Variants in IQCJ observed in about 807,000 individuals in gnomAD.
IQCJ encodes the protein IQ domain-containing protein J.
A neutral mutation model predicts 11.0 loss-of-function variants in IQCJ; 9 were observed. That is an observed-to-expected ratio of 0.82 (90% CI 0.49 to 1.43). The LOEUF (loss-of-function observed/expected upper bound fraction) is 1.43. IQCJ is among the 40% of genes most tolerant of loss of function. IQCJ has a pLI of 0.00. For missense variants in IQCJ, 146 were observed against 133.2 expected, an observed-to-expected ratio of 1.10 and a Z score of -0.47; for synonymous variants, 55 against 51.3, an observed-to-expected ratio of 1.07 and a Z score of -0.31.
At chr3:159,225,098 T>C (rs1725776736) in intron 1 of IQCJ, among the ~76,000 whole-genome samples, 1 of 152,212 alleles carries the variant, frequency 6.6e-6, no homozygotes, top group Non-Finnish European at 1.5e-5. Flanking sequence ...AAGCTATATC[T>C]ATTGATAGCA....
At chr3:159,140,858 A>T (rs1346433571) in intron 1 of IQCJ, among the ~76,000 whole-genome samples, 1 of 152,236 alleles carries the variant, frequency 6.6e-6, no homozygotes, top group Non-Finnish European at 1.5e-5. Context: ...TCACAGATGC[A>T]TGCTACGCAC....
intron 1 of IQCJ, among the ~76,000 whole-genome samples, chr3:159,225,755 T>C (rs1259305266): frequency 1.3e-5 from 2 of 151,980 alleles, no homozygotes; most frequent in East Asian, 3.9e-4. Flanking sequence ...TCAATTCTAA[T>C]GCTGTGTACC....
chr3:159,246,295 G>A (rs908423878), intron 2 of IQCJ, among the ~76,000 whole-genome samples: 1 of 152,048 alleles, frequency 6.6e-6, no homozygotes, highest in Non-Finnish European at 1.5e-5. Flanking sequence ...TACAGAATGG[G>A]ACAAAACTGA....
intron 1 of IQCJ, among the ~76,000 whole-genome samples, chr3:159,088,478 G>A (rs1253637704): frequency 1.3e-5 from 2 of 152,074 alleles, no homozygotes; most frequent in African/African-American, 2.4e-5. Flanking sequence ...TATCCTTGTT[G>A]ATTTTCTGTC....
At chr3:159,211,096 A>G (rs923710119) in intron 1 of IQCJ, among the ~76,000 whole-genome samples, 1 of 152,206 alleles carries the variant, frequency 6.6e-6, no homozygotes, top group Non-Finnish European at 1.5e-5. Flanking sequence ...AATGAAATGA[A>G]TTATTTTAAA....
intron 1 of IQCJ, among the ~76,000 whole-genome samples, chr3:159,163,735 C>T (rs1005558070): frequency 6.6e-6 from 1 of 152,268 alleles, no homozygotes; most frequent in Admixed American, 6.5e-5. Flanking sequence ...TATCTCTCCC[C>T]TTTTACAGGA....
At chr3:159,078,666 T>C (rs1291673007) in intron 1 of IQCJ, among the ~76,000 whole-genome samples, 1 of 152,018 alleles carries the variant, frequency 6.6e-6, no homozygotes, top group Non-Finnish European at 1.5e-5. Context: ...AACTCTGGTC[T>C]AGAAAGACCC....
chr3:159,090,892 C>T (rs1717229563), intron 1 of IQCJ, among the ~76,000 whole-genome samples: 1 of 151,858 alleles, frequency 6.6e-6, no homozygotes, highest in Non-Finnish European at 1.5e-5. Flanking sequence ...AAAGCCTTAC[C>T]AGCTTTCAGG....
At chr3:159,092,193 A>G (rs564050415) in intron 1 of IQCJ, among the ~76,000 whole-genome samples, 1 of 151,976 alleles carries the variant, frequency 6.6e-6, no homozygotes, top group African/African-American at 2.4e-5. Context: ...TATCACCTAC[A>G]TAGTACTCTT....
At chr3:159,194,507 A>C (rs1316878724) in intron 1 of IQCJ, among the ~76,000 whole-genome samples, 1 of 152,194 alleles carries the variant, frequency 6.6e-6, no homozygotes, top group Non-Finnish European at 1.5e-5. Flanking sequence ...AATTAGCCCT[A>C]GATTAGAGAA....
intron 1 of IQCJ, among the ~76,000 whole-genome samples, chr3:159,110,523 G>A (rs1256330363): frequency 1.3e-5 from 2 of 151,998 alleles, no homozygotes; most frequent in Admixed American, 6.5e-5. Context: ...ACAATGATTT[G>A]TTCCTCTTTA....
At chr3:159,116,818 C>T (rs1267885005) in intron 1 of IQCJ, among the ~76,000 whole-genome samples, 2 of 151,620 alleles carry the variant, frequency 1.3e-5, no homozygotes, top group African/African-American at 4.8e-5. Flanking sequence ...CACACAAGCA[C>T]AACACTTGGA....
chr3:159,226,189 A>G (rs1005254659), intron 1 of IQCJ, among the ~76,000 whole-genome samples: 10 of 151,838 alleles, frequency 6.6e-5, no homozygotes, highest in Admixed American at 4.6e-4. Context: ...TGGTGATTGA[A>G]CTCAATATCC....
rs563353617 is a variant in IQCJ at position 159,101,951 on chromosome 3, A to G, written c.9+32510A>G. Among the ~76,000 whole-genome samples, 7 of 152,334 alleles carry G rather than the reference A, an allele frequency of 4.6e-5. No individual in the cohort carries two copies. In the South Asian group the frequency reaches 1.4e-3, roughly 32 times the overall value. On this transcript the variant is annotated intron_variant, in intron 1 of 3. Transcript: ENST00000397832. Reference sequence around the variant, plus strand: ...TGCTATTTACACACAGCAGCTGCACATTTTTAGCTACTGAGGTGTTTGACT... The same window carrying G: ...TGCTATTTACACACAGCAGCTGCACGTTTTTAGCTACTGAGGTGTTTGACT...
At position 159,245,969 on chromosome 3, in the gene IQCJ, T is replaced by G; in HGVS notation, c.74+62T>G. ...TTGGAAAGCTTGAGTAAAAAGAAAA[T>G]CTTTCTGGTAAAAATAAGTAAGTAA... On this transcript the variant is annotated intron_variant, in intron 2 of 3. Coordinates refer to ENST00000397832, the MANE Select transcript of IQCJ (RefSeq NM_001042706.3). 2.3e-6 allele frequency: 3 copies of G among 1,291,836 alleles called. No individual in the cohort carries two copies. The South Asian group carries it at 4.1e-5, about 18-fold the overall frequency. The allele number at this position is 1,291,836 out of a possible 1,614,324, so 80.0% of individuals were successfully genotyped here. A position where few individuals can be genotyped will look rare whatever the true frequency, so the allele number is the denominator to read the frequency against.
chr3:159,069,602 C>A, intron 1 of IQCJ, 161 bp downstream of exon 1: 1 of 952,398 alleles, frequency 1.0e-6, no homozygotes, highest in South Asian at 1.8e-5. Context: ...GGTGCGTGTG[C>A]ATGTGTCCTT....
chr3:159,262,154 G>A (rs1238599906), intron 3 of IQCJ, among the ~76,000 whole-genome samples: 1 of 152,236 alleles, frequency 6.6e-6, no homozygotes, highest in Non-Finnish European at 1.5e-5. Flanking sequence ...CACACATTGA[G>A]TGCATGCAGT....
chr3:159,079,797 A>G (rs898959881), intron 1 of IQCJ, among the ~76,000 whole-genome samples: 1 of 152,066 alleles, frequency 6.6e-6, no homozygotes, highest in Non-Finnish European at 1.5e-5. Flanking sequence ...TTTGGATCTT[A>G]AATGCTTAGG....
intron 1 of IQCJ, among the ~76,000 whole-genome samples, chr3:159,109,541 A>AAC (rs1553776707): frequency 6.6e-6 from 1 of 151,444 alleles, no homozygotes; most frequent in African/African-American, 2.4e-5. Flanking sequence ...AAAAAAAAAA[A>AAC]AAAAACCAGT....
Sources: allele counts gnomAD v4.1 joint callset (sites outside exome capture counted in the v4.1 genomes callset), GRCh38; gene constraint gnomAD v4.1.1; transcripts MANE v1.5; gene names NCBI Gene and HGNC (gene_info 2026-07-23, HGNC 2026-07-21).